The following PIK3C2G variants were observed in gnomAD, a reference collection of about 807,000 sequenced individuals.
The protein encoded by PIK3C2G is phosphatidylinositol 3-kinase C2 domain-containing subunit gamma.
Under a neutral mutation model 181.1 loss-of-function variants are expected in PIK3C2G, and 168 were observed. That is an observed-to-expected ratio of 0.93 (90% CI 0.82 to 1.05). The LOEUF is 1.05. PIK3C2G is among the 50% of genes least tolerant of loss of function. The pLI is 0.00. For missense variants in PIK3C2G, 1,869 were observed against 1,732.8 expected (o/e 1.08, Z -1.40); for synonymous variants, 573 against 592.2 (o/e 0.97, Z 0.47).
chr12:18,415,378 C>T (rs919544846), intron 16 of PIK3C2G, among the ~76,000 whole-genome samples: 4 of 152,152 alleles, frequency 2.6e-5, no homozygotes, highest in Admixed American at 2.6e-4. Flanking sequence ...TTTTGAGGCA[C>T]CACAAGGTGC....
intron 31 of PIK3C2G, among the ~76,000 whole-genome samples, chr12:18,626,600 GA>G (rs1397471322): frequency 1.3e-5 from 2 of 151,964 alleles, no homozygotes; most frequent in Admixed American, 6.6e-5. Flanking sequence ...CAAGCCTAAT[GA>G]TGATTAACTC....
chr12:18,342,528 T>G (rs1939239670), intron 9 of PIK3C2G, among the ~76,000 whole-genome samples: 1 of 151,972 alleles, frequency 6.6e-6, no homozygotes, highest in Non-Finnish European at 1.5e-5. Flanking sequence ...TTTGAGTTTA[T>G]AAATTTAAAA....
intron 20 of PIK3C2G, among the ~76,000 whole-genome samples, chr12:18,494,388 G>T (rs1172035807): frequency 6.6e-6 from 1 of 151,732 alleles, no homozygotes; most frequent in Non-Finnish European, 1.5e-5. Flanking sequence ...AACTTAATAT[G>T]TGTGTGTGTG....
intron 18 of PIK3C2G, among the ~76,000 whole-genome samples, chr12:18,442,939 T>C (rs1397918338): frequency 6.6e-6 from 1 of 151,860 alleles, no homozygotes; most frequent in Non-Finnish European, 1.5e-5. Flanking sequence ...TGGTGCAATC[T>C]CGGCTCACTG....
At chr12:18,315,096 C>G (rs1018990074) in intron 6 of PIK3C2G, among the ~76,000 whole-genome samples, 1 of 152,048 alleles carries the variant, frequency 6.6e-6, no homozygotes, top group Admixed American at 6.6e-5. Context: ...ATCCTCTCAC[C>G]CTGTCATTTA....
intron 1 of PIK3C2G, among the ~76,000 whole-genome samples, chr12:18,252,013 CAT>C (rs1187896999): frequency 6.6e-6 from 1 of 151,968 alleles, no homozygotes; most frequent in African/African-American, 2.4e-5. Context: ...CCAGAAAAGA[CAT>C]ATTCAGAAAA....
In PIK3C2G at chr12:18,562,889, T is replaced by C; in HGVS notation, c.3777T>C (p.Ser1259=). ...ATILGFSKKS[S]NLYLIQVTHS... is the part of the protein sequence containing the mutation. The stretch of plus-strand genomic sequence containing the variant: ...TTTTAGGGTTCAGCAAGAAATCCAG[T>C]AATGTAAGTTTAAAGTCCGTCATCT... Residue 1259 remains serine (S), a synonymous_variant, in exon 27 of 33, where the codon AGT becomes AGC. Coordinates refer to ENST00000538779, the MANE Select transcript of PIK3C2G (RefSeq NM_001288772.2). The C allele has an allele frequency of 6.3e-7, 1 of 1,587,684 alleles. No homozygotes were observed. Among genetic ancestry groups the C allele is most frequent in the Non-Finnish European group, 8.6e-7 (1 of 1,164,348 alleles).
chr12:18,304,288 A>C (rs1950328321), intron 5 of PIK3C2G, among the ~76,000 whole-genome samples: 1 of 152,092 alleles, frequency 6.6e-6, no homozygotes, highest in Non-Finnish European at 1.5e-5. Context: ...TGGAGTCTTC[A>C]CTCTGTCACC....
chr12:18,388,716 C>T (rs1406461641), intron 14 of PIK3C2G, among the ~76,000 whole-genome samples: 1 of 152,226 alleles, frequency 6.6e-6, no homozygotes, highest in Non-Finnish European at 1.5e-5. Context: ...ACATTCACAA[C>T]AGCTCCCGTG....
chr12:18,682,009 T>A, the PIK3C2G span, among the ~76,000 whole-genome samples: 198 of 152,112 alleles, frequency 1.3e-3, 3 homozygotes, highest in Non-Finnish European at 3.7e-4. Context: ...AGTAGATGAT[T>A]TAAATAAGAT....
intron 16 of PIK3C2G, among the ~76,000 whole-genome samples, chr12:18,404,372 A>G (rs1484948372): frequency 6.6e-6 from 1 of 152,174 alleles, no homozygotes; most frequent in African/African-American, 2.4e-5. Flanking sequence ...AAAGAGGTAG[A>G]TGAATAAGCC....
At chr12:18,250,197 A>G (rs1458982463) in intron 1 of PIK3C2G, among the ~76,000 whole-genome samples, 1 of 152,088 alleles carries the variant, frequency 6.6e-6, no homozygotes, top group African/African-American at 2.4e-5. Context: ...CATTTTATGT[A>G]CTATATCTAG....
At chr12:18,700,907 G>A in the PIK3C2G span, among the ~76,000 whole-genome samples, 9 of 151,730 alleles carry the variant, frequency 5.9e-5, no homozygotes, top group South Asian at 4.2e-4. Flanking sequence ...GGGAAATTAC[G>A]TTGTGTATCT....
At chr12:18,665,362 A>C in the PIK3C2G span, among the ~76,000 whole-genome samples, 3 of 152,146 alleles carry the variant, frequency 2.0e-5, no homozygotes, top group Non-Finnish European at 4.4e-5. Context: ...GCACCTCTAA[A>C]AATGGCTAAA....
chr12:18,268,608 C>T (rs970851646), intron 1 of PIK3C2G, among the ~76,000 whole-genome samples: 2 of 152,138 alleles, frequency 1.3e-5, no homozygotes, highest in Admixed American at 6.6e-5. Context: ...TGAATTCCCA[C>T]TGTTGTGCCT....
intron 18 of PIK3C2G, among the ~76,000 whole-genome samples, chr12:18,472,276 C>T (rs1303784295): frequency 6.6e-6 from 1 of 152,070 alleles, no homozygotes; most frequent in African/African-American, 2.4e-5. Context: ...TTAAAATCAT[C>T]ACATCTTAGA....
intron 1 of PIK3C2G, among the ~76,000 whole-genome samples, chr12:18,280,386 G>A (rs1469829379): frequency 2.6e-5 from 4 of 151,908 alleles, no homozygotes; most frequent in East Asian, 1.9e-4. Context: ...TACCTTTCCC[G>A]GGCATTCAGA....
chr12:18,362,858 T>G lies in PIK3C2G; in HGVS notation c.1720T>G (p.Phe574Val), dbSNP rs1349036966. 6.7e-7 allele frequency: 1 copy of G among 1,501,482 alleles called. No homozygotes were observed. Among genetic ancestry groups the G allele is most frequent in the Non-Finnish European group, 8.9e-7 (1 of 1,125,524 alleles). 93.0% of individuals were successfully genotyped at this position (1,501,482 alleles called of 1,614,324 possible). A position where few individuals can be genotyped will look rare whatever the true frequency, so the allele number is the denominator to read the frequency against. ...CAGAAATATTCCAGACAAGAAATTA[T>G]TTTTTTTCTTGGTCAACTGGAATGA... is the stretch of plus-strand genomic sequence containing the variant. Reference protein sequence around the residue: ...NYRNIPDKKLFFFLVNWNETI... With the variant: ...NYRNIPDKKLVFFLVNWNETI... Residue 574 changes from phenylalanine (F) to valine (V), a missense_variant, in exon 12 of 33, where the codon TTT (phenylalanine) becomes GTT (valine). Physicochemically the swap from Phe to Val is conservative, Grantham distance 50. Coordinates refer to ENST00000538779, the MANE Select transcript of PIK3C2G (RefSeq NM_001288772.2).
chr12:18,571,899 CAA>C (rs1214244291), intron 29 of PIK3C2G, among the ~76,000 whole-genome samples: 1 of 150,676 alleles, frequency 6.6e-6, no homozygotes, highest in Non-Finnish European at 1.5e-5. Context: ...ATGTTATACT[CAA>C]GTCTATCACC....
Sources: gnomAD v4.1 joint callset for allele counts (sites outside exome capture counted in the v4.1 genomes callset) on GRCh38, gnomAD v4.1.1 for gene constraint, MANE v1.5 for transcripts, NCBI Gene and HGNC (gene_info 2026-07-23, HGNC 2026-07-21) for gene names.